Variants in MET observed in about 807,000 individuals in gnomAD.
The protein encoded by MET is MET proto-oncogene, receptor tyrosine kinase, also known as hepatocyte growth factor receptor.
MET carries 48 observed loss-of-function variants against 133.1 expected under a neutral mutation model. The ratio of observed to expected loss-of-function variants is 0.36; its 90% confidence interval spans 0.29 to 0.46. The LOEUF is 0.46. Among genes scored for constraint, MET ranks in the 20% least tolerant of loss-of-function variants. MET has a pLI of 1.00. For missense variants in MET, 1,442 were observed against 1,695.9 expected, an observed-to-expected ratio of 0.85 and a Z score of 2.63; for synonymous variants, 628 against 616.5, an observed-to-expected ratio of 1.02 and a Z score of -0.28.
intron 1 of MET, among the ~76,000 whole-genome samples, chr7:116,685,165 G>A (rs1456997400): frequency 6.6e-6 from 1 of 152,252 alleles, no homozygotes; most frequent in African/African-American, 2.4e-5. Flanking sequence ...ATCTGTCTTT[G>A]TCTCCTGACC....
At chr7:116,737,504 A>T (rs1394912220) in intron 3 of MET, among the ~76,000 whole-genome samples, 1 of 152,222 alleles carries the variant, frequency 6.6e-6, no homozygotes, top group Non-Finnish European at 1.5e-5. Context: ...TTAAGAGGTC[A>T]AGCACATGGA....
rs56212730 is a variant in MET, at chr7:116,792,456, G to GACACACACACAC, written c.3799-3164_3799-3153dup. Among the ~76,000 whole-genome samples the GACACACACACAC allele has an allele frequency of 1.8e-3, 147 of 80,734 alleles. 2 individuals carry two copies. Among genetic ancestry groups the GACACACACACAC allele is most frequent in the South Asian group, 8.0e-3 (14 of 1,744 alleles). The allele number at this position is 80,734 out of a possible 152,430, so 53.0% of individuals were successfully genotyped here. On this transcript the variant is annotated intron_variant, in intron 19 of 20. Coordinates refer to ENST00000397752, the MANE Select transcript of MET (RefSeq NM_000245.4). ...ACCCCCGACCCCCCCTCAACCGACA[G>GACACACACACAC]ACACACACACACACACACACACACA... is the stretch of plus-strand genomic sequence containing the variant.
intron 1 of MET, among the ~76,000 whole-genome samples, chr7:116,674,739 C>T (rs769988668): frequency 6.6e-6 from 1 of 152,210 alleles, no homozygotes; most frequent in Admixed American, 6.5e-5. Flanking sequence ...TCTTCCTCCT[C>T]AACCCTTTCC....
At chr7:116,752,404 A>C (rs1367025713) in intron 5 of MET, among the ~76,000 whole-genome samples, 2 of 152,158 alleles carry the variant, frequency 1.3e-5, no homozygotes, top group Non-Finnish European at 1.5e-5. Flanking sequence ...TATCTCCCCT[A>C]TCCAGACAGG....
intron 8 of MET, among the ~76,000 whole-genome samples, 169 bp from the exon 9 acceptor site, chr7:116,758,290 G>GT (rs1466908355): frequency 6.6e-6 from 1 of 152,026 alleles, no homozygotes; most frequent in African/African-American, 2.4e-5. Context: ...CACAACAAAG[G>GT]TAAGTTTGAG....
intron 3 of MET, among the ~76,000 whole-genome samples, chr7:116,736,960 G>T (rs1793238712): frequency 6.6e-6 from 1 of 152,180 alleles, no homozygotes; most frequent in Non-Finnish European, 1.5e-5. Context: ...TACTTCAGGG[G>T]TATTTTGAGA....
In MET at chr7:116,746,578, T is replaced by C. The variant is rs928804674; in HGVS notation, c.1701+5553T>C. ...GGATTAAGAAAATGTGGCACATATATGCCATGGAATACTATGCAGCCATAA... is the reference window on the plus strand; with the variant it reads ...GGATTAAGAAAATGTGGCACATATACGCCATGGAATACTATGCAGCCATAA... On this transcript the variant is annotated intron_variant, in intron 5 of 20. Transcript: ENST00000397752. 1.1e-4 allele frequency among the ~76,000 whole-genome samples: 17 copies of C among 152,252 alleles called. No individual in the cohort carries two copies. The East Asian group carries it at 1.2e-3, about 10-fold the overall frequency.
At chr7:116,739,515 C>T (rs554844771) in intron 3 of MET, among the ~76,000 whole-genome samples, 2 of 152,290 alleles carry the variant, frequency 1.3e-5, no homozygotes, top group South Asian at 2.1e-4. Context: ...CCAGACTCCG[C>T]GTCCACTACT....
At position 116,740,987 on chromosome 7, in the gene MET, A is replaced by G. The variant is rs370883654; in HGVS notation, c.1663A>G (p.Thr555Ala). 45 of 1,613,574 alleles carry G rather than the reference A, an allele frequency of 2.8e-5. No homozygotes were observed. The highest frequency in any genetic ancestry group is 3.6e-5 in the Non-Finnish European group (42 of 1,179,982). ...GCGATCGGAGGAATGCCTGAGCGGGACATGGACTCAACAGATCTGTCTGCC... is the reference window on the plus strand; with the variant it reads ...GCGATCGGAGGAATGCCTGAGCGGGGCATGGACTCAACAGATCTGTCTGCC... ...CVRSEECLSGTWTQQICLPAI... is the reference protein window; with the variant it reads ...CVRSEECLSGAWTQQICLPAI... The change falls in exon 5 of 21, where the codon ACA becomes GCA. Residue 555 changes from threonine to alanine, a missense_variant. Physicochemically the swap from Thr to Ala is moderately conservative, Grantham distance 58. Around this residue, in one of 6 missense-constraint regions of MET, gnomAD observed 762 missense variants for 792.4 expected, o/e 0.96. Coordinates refer to ENST00000397752, the MANE Select transcript of MET (RefSeq NM_000245.4).
At chr7:116,780,761 T>A (rs1795132916) in intron 17 of MET, among the ~76,000 whole-genome samples, 1 of 152,162 alleles carries the variant, frequency 6.6e-6, no homozygotes, top group Non-Finnish European at 1.5e-5. Flanking sequence ...ACTGACTACA[T>A]CTTGCACTGA....
chr7:116,758,433 T>A (rs1202759964), intron 8 of MET, 26 bp from the exon 9 acceptor site: 9 of 1,607,766 alleles, frequency 5.6e-6, no homozygotes, highest in Non-Finnish European at 6.8e-6. Flanking sequence ...TAGCTAAAAT[T>A]CACTTCCTTA....
chr7:116,699,638 T>A lies in MET; in HGVS notation c.554T>A (p.Leu185His), dbSNP rs1791489495. ...CVVSALGAKVLSSVKDRFINF... is the reference protein window; with the variant it reads ...CVVSALGAKVHSSVKDRFINF... ...GTGAGCGCCCTGGGAGCCAAAGTCC[T>A]TTCATCTGTAAAGGACCGGTTCATC... The change falls in exon 2 of 21, where the codon CTT becomes CAT. Residue 185 changes from leucine (L) to histidine (H), a missense_variant. This residue lies in a region of MET where 762 missense variants were observed against 792.4 expected (regional missense o/e 0.96). Transcript: ENST00000397752. 1 of 1,613,964 alleles carries A rather than the reference T, an allele frequency of 6.2e-7. No individual in the cohort carries two copies. Among genetic ancestry groups the A allele is most frequent in the Middle Eastern group, 1.7e-4 (1 of 6,058 alleles).
chr7:116,765,744 T>C (rs1226311988), intron 11 of MET, among the ~76,000 whole-genome samples: 2 of 152,216 alleles, frequency 1.3e-5, no homozygotes, highest in Non-Finnish European at 2.9e-5. Flanking sequence ...AATTTTACAG[T>C]TGACACTGTA....
chr7:116,753,727 A>AT (rs1430477113), intron 5 of MET, among the ~76,000 whole-genome samples: 1 of 152,234 alleles, frequency 6.6e-6, no homozygotes, highest in Non-Finnish European at 1.5e-5. Context: ...AAGAAACAAC[A>AT]TAACACATGT....
intron 19 of MET, among the ~76,000 whole-genome samples, chr7:116,784,747 C>G (rs1319711175): frequency 6.6e-6 from 1 of 152,106 alleles, no homozygotes; most frequent in Non-Finnish European, 1.5e-5. Context: ...CTAGTTCCTC[C>G]CAAATCTCAC....
At chr7:116,794,167 T>C (rs999151222) in intron 19 of MET, among the ~76,000 whole-genome samples, 1 of 152,214 alleles carries the variant, frequency 6.6e-6, no homozygotes, top group African/African-American at 2.4e-5. Flanking sequence ...GTGGCAGTTA[T>C]CTGCTCAATT....
intron 2 of MET, among the ~76,000 whole-genome samples, chr7:116,728,075 T>C (rs1381946914): frequency 1.3e-5 from 2 of 152,206 alleles, no homozygotes; most frequent in African/African-American, 4.8e-5. Flanking sequence ...CAGCAAATGC[T>C]GGAGTGTTAG....
chr7:116,772,999 C>T (rs1474395856), intron 14 of MET, among the ~76,000 whole-genome samples: 3 of 151,956 alleles, frequency 2.0e-5, no homozygotes, highest in Non-Finnish European at 4.4e-5. Flanking sequence ...ACATTTAGTG[C>T]ATCTATTTAG....
At chr7:116,688,247 A>G (rs1241216726) in intron 1 of MET, among the ~76,000 whole-genome samples, 1 of 151,584 alleles carries the variant, frequency 6.6e-6, no homozygotes, top group Non-Finnish European at 1.5e-5. Context: ...TTTTTAATAT[A>G]TAGACTTGGA....
Sources: gnomAD v4.1 joint callset for allele counts (sites outside exome capture counted in the v4.1 genomes callset) on GRCh38, gnomAD v4.1.1 for gene constraint, gnomAD v4.1.1 regional missense constraint, MANE v1.5 for transcripts, NCBI Gene and HGNC (gene_info 2026-07-23, HGNC 2026-07-21) for gene names.